The following UBR3 variants were observed in gnomAD, a reference collection of about 807,000 sequenced individuals.
UBR3 encodes ubiquitin protein ligase E3 component n-recognin 3.
Under a neutral mutation model 243.2 loss-of-function variants are expected in UBR3, and 85 were observed. The ratio of observed to expected loss-of-function variants is 0.35; its 90% confidence interval spans 0.29 to 0.42. The LOEUF (loss-of-function observed/expected upper bound fraction) is 0.42, where lower values mean the gene tolerates loss of function less well. Ranked by LOEUF, UBR3 falls within the 10% of genes least tolerant of loss-of-function variation. The pLI is 1.00. For synonymous variants in UBR3, 748 were observed against 799.8 expected (o/e 0.94, Z 1.09); for missense variants, 1,686 against 2,300.8 (o/e 0.73, Z 5.47).
In UBR3 at chr2:170,061,698, C is replaced by T. The variant is rs974402608; in HGVS notation, c.5019+255C>T. ...GGCCAGGCTGGTCTCAAACTCCTGACCTCAGGTGATCTACCTGCCTCGGCC... is the reference window on the plus strand; with the variant it reads ...GGCCAGGCTGGTCTCAAACTCCTGATCTCAGGTGATCTACCTGCCTCGGCC... On this transcript the variant is annotated intron_variant, in intron 35 of 38. Coordinates refer to ENST00000272793, the MANE Select transcript of UBR3 (RefSeq NM_172070.4). 9.9e-5 allele frequency among the ~76,000 whole-genome samples: 15 copies of T among 152,150 alleles called. 1 individual carries two copies. The highest frequency in any genetic ancestry group is 1.6e-4 in the Non-Finnish European group (11 of 68,028).
rs371958942 is a variant in UBR3, at chr2:169,984,828, A to G, written c.3635-1817A>G. 5.3e-4 allele frequency among the ~76,000 whole-genome samples: 80 copies of G among 152,358 alleles called. 1 individual carries two copies. In the South Asian group the frequency reaches 0.016, roughly 31 times the overall value. On this transcript the variant is annotated intron_variant, in intron 24 of 38. Transcript: ENST00000272793. ...TAATTTTTAAAGTCAGATTTCAAAT[A>G]AAAAGTACTCTGCATGAAAATGAGT...
chr2:169,865,094 A>C (rs918326338), intron 1 of UBR3, among the ~76,000 whole-genome samples: 11 of 151,992 alleles, frequency 7.2e-5, no homozygotes, highest in Non-Finnish European at 1.3e-4. Flanking sequence ...TCGAAAAAAA[A>C]ATTTTTTTTT....
At chr2:170,051,187 A>G (rs1220447134) in intron 32 of UBR3, among the ~76,000 whole-genome samples, 1 of 152,054 alleles carries the variant, frequency 6.6e-6, no homozygotes, top group African/African-American at 2.4e-5. Flanking sequence ...ATGGATGAGG[A>G]GCCCACAGGT....
intron 1 of UBR3, among the ~76,000 whole-genome samples, chr2:169,870,242 A>C (rs937836939): frequency 2.6e-5 from 4 of 152,212 alleles, no homozygotes; most frequent in African/African-American, 9.7e-5. Flanking sequence ...TTGAGATGTC[A>C]CATTTATCAC....
chr2:169,948,073 A>T, intron 22 of UBR3: 1 of 382,470 alleles, frequency 2.6e-6, no homozygotes, highest in Non-Finnish European at 3.5e-6. Flanking sequence ...TCTTGGATTT[A>T]TGTGTGTTTT....
At position 169,896,742 on chromosome 2, in the gene UBR3, CAG is replaced by C; in HGVS notation, c.1465+9_1465+10del. ...ATTAAAAGTGAGCTACAAGGTAACT[CAG>C]AATTATATTCACTAGTTCTATTATT... On this transcript the variant is annotated splice_region_variant and intron_variant, in intron 8 of 38. Coordinates refer to ENST00000272793, the MANE Select transcript of UBR3 (RefSeq NM_172070.4). 6.5e-7 allele frequency: 1 copy of C among 1,536,786 alleles called. No individual in the cohort carries two copies. Among genetic ancestry groups the C allele is most frequent in the Admixed American group, 2.0e-5 (1 of 50,290 alleles).
chr2:170,054,694 T>C (rs562064599), intron 32 of UBR3, among the ~76,000 whole-genome samples: 2 of 152,168 alleles, frequency 1.3e-5, no homozygotes, highest in Non-Finnish European at 2.9e-5. Flanking sequence ...ACATCAAGAT[T>C]TTTTTTAACT....
At chr2:169,925,874 C>A in intron 14 of UBR3, 127 bp downstream of exon 14, 1 of 913,322 alleles carries the variant, frequency 1.1e-6, no homozygotes, top group Non-Finnish European at 1.5e-6. Flanking sequence ...TAATTTTTTA[C>A]TTACATTTCC....
chr2:169,907,434 T>A (rs2085061299), intron 10 of UBR3, among the ~76,000 whole-genome samples: 1 of 152,204 alleles, frequency 6.6e-6, no homozygotes, highest in Non-Finnish European at 1.5e-5. Context: ...TCCCTTGCTG[T>A]GCTAGCTGTG....
rs1238002382 is a variant in UBR3 at position 170,057,276 on chromosome 2, A to G, written c.4785+1692A>G. Among the ~76,000 whole-genome samples the G allele has an allele frequency of 4.0e-5, 6 of 151,478 alleles. No homozygotes were observed. In the East Asian group the frequency reaches 1.2e-3, roughly 29 times the overall value. On this transcript the variant is annotated intron_variant, in intron 33 of 38. Transcript: ENST00000272793. ...GGGCTACAGGCTTGTGCCACCACAC[A>G]CAGCTGATTTTTTGTATTTTTAGTA...
intron 19 of UBR3, among the ~76,000 whole-genome samples, chr2:169,939,462 C>G (rs1478895180): frequency 6.7e-6 from 1 of 150,150 alleles, no homozygotes; most frequent in Non-Finnish European, 1.5e-5. Flanking sequence ...AGAGACAGGC[C>G]TTCACCATGT....
At chr2:169,887,093 G>A (rs1183573278) in intron 5 of UBR3, among the ~76,000 whole-genome samples, 1 of 152,174 alleles carries the variant, frequency 6.6e-6, no homozygotes, top group Non-Finnish European at 1.5e-5. Context: ...GTTAATTTAG[G>A]TTGAGAAACC....
At chr2:170,053,806 A>G (rs1214170462) in intron 32 of UBR3, among the ~76,000 whole-genome samples, 4 of 152,222 alleles carry the variant, frequency 2.6e-5, no homozygotes, top group South Asian at 2.1e-4. Flanking sequence ...AAATGGTAGT[A>G]TCCATTTACT....
chr2:169,827,924 G>C lies in UBR3; in HGVS notation c.417G>C (p.Ser139=). Residue 139 remains serine (S), a synonymous_variant, in exon 1 of 39, where the codon TCG becomes TCC. Transcript: ENST00000272793. ...VAYRCRTCGI[S]PCMSLCAECF... ...ACCGCTGCCGGACGTGCGGCATCTC[G>C]CCCTGCATGTCGCTGTGCGCCGAGT... 1 of 1,508,092 alleles carries C rather than the reference G, an allele frequency of 6.6e-7. No homozygotes were observed. The highest frequency in any genetic ancestry group is 1.7e-4 in the Middle Eastern group (1 of 5,896). The allele number at this position is 1,508,092 out of a possible 1,614,324, so 93.4% of individuals were successfully genotyped here. A position where few individuals can be genotyped will look rare whatever the true frequency, so the allele number is the denominator to read the frequency against.
chr2:169,981,621 G>C (rs2088735521), intron 24 of UBR3, among the ~76,000 whole-genome samples: 1 of 152,064 alleles, frequency 6.6e-6, no homozygotes, highest in African/African-American at 2.4e-5. Flanking sequence ...ATGGAAAAAG[G>C]ACATTGGATA....
intron 29 of UBR3, among the ~76,000 whole-genome samples, chr2:170,010,830 G>C (rs1275453923): frequency 6.6e-6 from 1 of 152,068 alleles, no homozygotes; most frequent in Non-Finnish European, 1.5e-5. Context: ...AGCTCTTCCA[G>C]TGAGGCGGCA....
intron 23 of UBR3, among the ~76,000 whole-genome samples, chr2:169,950,406 A>G (rs1224618937): frequency 6.6e-6 from 1 of 152,130 alleles, no homozygotes; most frequent in Non-Finnish European, 1.5e-5. Flanking sequence ...TATTAAAAAT[A>G]TTTAAAATAT....
rs115283079 is a variant in UBR3 at position 169,973,814 on chromosome 2, G to T, written c.3635-12831G>T. Reference sequence around the variant, plus strand: ...AAAGCTTTCAGCTTTTCCTTATTCAGTATAATGTTAGCTCTGGACTTGTCA... The same window carrying T: ...AAAGCTTTCAGCTTTTCCTTATTCATTATAATGTTAGCTCTGGACTTGTCA... On this transcript the variant is annotated intron_variant, in intron 24 of 38. Coordinates refer to ENST00000272793, the MANE Select transcript of UBR3 (RefSeq NM_172070.4). Among the ~76,000 whole-genome samples, 848 of 152,192 alleles carry T rather than the reference G, an allele frequency of 5.6e-3. 7 individuals are homozygous for T. Among genetic ancestry groups the T allele is most frequent in the African/African-American group, 0.019 (797 of 41,524 alleles).
At chr2:169,881,587 T>C (rs2083828431) in intron 5 of UBR3, among the ~76,000 whole-genome samples, 2 of 141,400 alleles carry the variant, frequency 1.4e-5, no homozygotes, top group Admixed American at 1.5e-4. Flanking sequence ...TAGAGTTGTT[T>C]AGCCAGAGGT....
Sources: gnomAD v4.1 joint callset for allele counts (sites outside exome capture counted in the v4.1 genomes callset) on GRCh38, gnomAD v4.1.1 for gene constraint, MANE v1.5 for transcripts, NCBI Gene and HGNC (gene_info 2026-07-23, HGNC 2026-07-21) for gene names.